The following ADAMTSL3 variants were observed in gnomAD, a reference collection of about 807,000 sequenced individuals.
ADAMTSL3 encodes the protein ADAMTS like 3.
A neutral mutation model predicts 201.7 loss-of-function variants in ADAMTSL3; 128 were observed. The ratio of observed to expected loss-of-function variants is 0.63; its 90% CI spans 0.55 to 0.73. The LOEUF (loss-of-function observed/expected upper bound fraction) is 0.73, where lower values mean the gene tolerates loss of function less well. ADAMTSL3 is among the 30% of genes least tolerant of loss of function. ADAMTSL3 has a pLI of 0.00. For missense variants in ADAMTSL3, 1,990 were observed against 2,119.6 expected (o/e 0.94, Z 1.20); for synonymous variants, 738 against 748.4 (o/e 0.99, Z 0.23).
chr15:83,963,700 A>C (rs548435053), intron 19 of ADAMTSL3, among the ~76,000 whole-genome samples: 24 of 152,216 alleles, frequency 1.6e-4, no homozygotes, highest in African/African-American at 4.6e-4. Flanking sequence ...TGACCCCTGC[A>C]CCTCCTGATG....
intron 4 of ADAMTSL3, among the ~76,000 whole-genome samples, chr15:83,801,117 TAAG>T (rs1332121508): frequency 2.0e-5 from 3 of 152,166 alleles, no homozygotes; most frequent in African/African-American, 7.2e-5. Context: ...TTAATAAATT[TAAG>T]AATCAAATAC....
intron 19 of ADAMTSL3, among the ~76,000 whole-genome samples, 197 bp from the exon 20 acceptor site, chr15:83,970,287 G>T (rs1012157067): frequency 6.6e-6 from 1 of 151,970 alleles, no homozygotes; most frequent in Admixed American, 6.6e-5. Context: ...AGGAAGAGAA[G>T]GGAGGGGAGG....
chr15:83,845,787 A>G (rs988768351), intron 7 of ADAMTSL3, among the ~76,000 whole-genome samples: 5 of 152,218 alleles, frequency 3.3e-5, no homozygotes, highest in African/African-American at 7.2e-5. Context: ...ATACACCACA[A>G]GAATGAGTTG....
intron 8 of ADAMTSL3, among the ~76,000 whole-genome samples, chr15:83,867,856 A>T (rs928511015): frequency 2.6e-5 from 4 of 152,182 alleles, no homozygotes; most frequent in African/African-American, 9.7e-5. Context: ...ACTAGAAGCA[A>T]TTAGAAGCAT....
intron 9 of ADAMTSL3, among the ~76,000 whole-genome samples, chr15:83,880,855 A>G (rs1382533561): frequency 6.6e-6 from 1 of 151,940 alleles, no homozygotes; most frequent in Non-Finnish European, 1.5e-5. Context: ...AAGTTTTTAT[A>G]TTTTCATCAG....
At chr15:84,032,595 C>T (rs1053605640) in intron 28 of ADAMTSL3, among the ~76,000 whole-genome samples, 1 of 152,186 alleles carries the variant, frequency 6.6e-6, no homozygotes, top group African/African-American at 2.4e-5. Context: ...GGGTCACATA[C>T]ATATTTTTCT....
intron 19 of ADAMTSL3, among the ~76,000 whole-genome samples, chr15:83,960,536 A>G (rs187140866): frequency 2.2e-4 from 34 of 152,304 alleles, no homozygotes; most frequent in Admixed American, 1.8e-3. Flanking sequence ...TGTCCCTTGC[A>G]GAACCATGAT....
chr15:83,729,301 G>A (rs980353302), intron 3 of ADAMTSL3, among the ~76,000 whole-genome samples: 14 of 152,038 alleles, frequency 9.2e-5, no homozygotes, highest in African/African-American at 3.1e-4. Flanking sequence ...TTTTCTGTAG[G>A]TTTGGGAAAT....
intron 19 of ADAMTSL3, among the ~76,000 whole-genome samples, chr15:83,965,551 A>G (rs2067066488): frequency 6.6e-6 from 1 of 152,196 alleles, no homozygotes; most frequent in Non-Finnish European, 1.5e-5. Context: ...TTAGAGACCT[A>G]CAAAGAGACT....
At chr15:84,020,869 T>C (rs1319768384) in intron 25 of ADAMTSL3, among the ~76,000 whole-genome samples, 3 of 152,252 alleles carry the variant, frequency 2.0e-5, no homozygotes, top group African/African-American at 4.8e-5. Context: ...AAATTATTTA[T>C]GCAGTCACAG....
At chr15:83,907,310 A>T (rs888833312) in intron 15 of ADAMTSL3, among the ~76,000 whole-genome samples, 2 of 152,150 alleles carry the variant, frequency 1.3e-5, no homozygotes, top group Non-Finnish European at 2.9e-5. Flanking sequence ...ACTCAAACCT[A>T]TATAATTTTT....
chr15:83,763,089 G>A lies in ADAMTSL3; in HGVS notation c.190-10434G>A, dbSNP rs139149247. Among the ~76,000 whole-genome samples the A allele has an allele frequency of 6.9e-3, 1,053 of 152,150 alleles. 13 individuals carry two copies. Among genetic ancestry groups the A allele is most frequent in the African/African-American group, 0.023 (974 of 41,526 alleles). On this transcript the variant is annotated intron_variant, in intron 3 of 29. Coordinates refer to ENST00000286744, the MANE Select transcript of ADAMTSL3 (RefSeq NM_207517.3). The stretch of plus-strand genomic sequence containing the variant: ...TTTTTAGTAGAGACGGGGTTTCACC[G>A]TGTTGGCCAGGCTGGTCTCGAACTC...
At chr15:83,903,969 A>AAGGAAGGAGGG (rs1567226227) in intron 15 of ADAMTSL3, among the ~76,000 whole-genome samples, 6 of 89,672 alleles carry the variant, frequency 6.7e-5, no homozygotes, top group Admixed American at 1.3e-4. Flanking sequence ...AGAAAGAAAG[A>AAGGAAGGAGGG]AAAGGAGCTA....
Position 83,982,878 on chromosome 15 carries a change from G to C in ADAMTSL3, c.3250G>C (p.Val1084Leu). The change falls in exon 21 of 30, where the codon GTT becomes CTT. Residue 1084 changes from valine to leucine, a missense_variant. Physicochemically the swap from Val to Leu is conservative, Grantham distance 32. Transcript: ENST00000286744. ...GAAGAATAAGCAGTTTGAAGCAGCA[G>C]TTAAACAAGGAGCATATAGCATGGA... ...ELKNKQFEAAVKQGAYSMDTA... is the reference protein window; with the variant it reads ...ELKNKQFEAALKQGAYSMDTA... 6.2e-7 allele frequency: 1 copy of C among 1,614,054 alleles called. No homozygotes were observed. Among genetic ancestry groups the C allele is most frequent in the Non-Finnish European group, 8.5e-7 (1 of 1,180,040 alleles).
At chr15:83,858,936 G>T in intron 8 of ADAMTSL3, 96 bp downstream of exon 8, 1 of 1,062,938 alleles carries the variant, frequency 9.4e-7, no homozygotes, top group East Asian at 2.5e-5. Context: ...AAACCAACAA[G>T]CAAAAAAACT....
At chr15:83,701,784 CGAGT>C (rs977075458) in intron 2 of ADAMTSL3, among the ~76,000 whole-genome samples, 1 of 152,170 alleles carries the variant, frequency 6.6e-6, no homozygotes, top group Non-Finnish European at 1.5e-5. Context: ...TTCCCAGTCT[CGAGT>C]ATGTCATTAC....
chr15:83,750,507 T>G (rs1708006001), intron 3 of ADAMTSL3, among the ~76,000 whole-genome samples: 1 of 152,194 alleles, frequency 6.6e-6, no homozygotes, highest in African/African-American at 2.4e-5. Context: ...TGATCAGAAC[T>G]CTGGTCCCCT....
chr15:83,914,599 T>A (rs1184361710), intron 16 of ADAMTSL3, among the ~76,000 whole-genome samples: 1 of 152,228 alleles, frequency 6.6e-6, no homozygotes, highest in Non-Finnish European at 1.5e-5. Flanking sequence ...CTTAGCTGCC[T>A]CTGGACTCTT....
chr15:83,975,650 C>T (rs1025461792), intron 20 of ADAMTSL3, among the ~76,000 whole-genome samples: 6 of 152,168 alleles, frequency 3.9e-5, no homozygotes, highest in African/African-American at 1.4e-4. Context: ...AACTCTTGAG[C>T]AGACTTCTGA....
Sources: allele counts gnomAD v4.1 joint callset (sites outside exome capture counted in the v4.1 genomes callset), GRCh38; gene constraint gnomAD v4.1.1; transcripts MANE v1.5; gene names NCBI Gene and HGNC (gene_info 2026-07-23, HGNC 2026-07-21).